LY75: variants seen among roughly 807,000 people sequenced by gnomAD.
The protein encoded by LY75 is C-type lectin domain family 13 member B.
LY75 carries 185 observed loss-of-function variants against 231.7 expected under a neutral mutation model. That is an observed-to-expected ratio of 0.80 (90% CI 0.71 to 0.90). The LOEUF is 0.90. Among genes scored for constraint, LY75 ranks in the 40% least tolerant of loss-of-function variants. The pLI, the probability that LY75 is intolerant of heterozygous loss-of-function variation, is 0.00. For missense variants in LY75, 1,947 were observed against 2,050.2 expected (o/e 0.95, Z 0.97); for synonymous variants, 668 against 689.0 (o/e 0.97, Z 0.48).
chr2:159,860,033 G>T (rs1175293928), intron 15 of LY75, among the ~76,000 whole-genome samples: 1 of 152,150 alleles, frequency 6.6e-6, no homozygotes, highest in Non-Finnish European at 1.5e-5. Context: ...TTTCCTACTA[G>T]ACTTTAGTTT....
intron 5 of LY75, 61 bp from the exon 6 acceptor site, chr2:159,885,354 G>A (rs1377224395): frequency 1.9e-6 from 3 of 1,549,726 alleles, no homozygotes; most frequent in Non-Finnish European, 2.6e-6. Flanking sequence ...GATGGTGTCA[G>A]AAAGAATAAT....
In LY75 at chr2:159,850,486, G is replaced by A. The variant is rs370661605; in HGVS notation, c.2884-19C>T. On this transcript the variant is annotated intron_variant, in intron 21 of 34. Coordinates refer to ENST00000263636, the MANE Select transcript of LY75 (RefSeq NM_002349.4). ...GAAAACACTGCAAACAAAGACATAT[G>A]TGAAGCATGAGATTCCAGACACAGG... 19 of 1,612,752 alleles carry A rather than the reference G, an allele frequency of 1.2e-5. No individual in the cohort carries two copies. Among genetic ancestry groups the A allele is most frequent in the Non-Finnish European group, 1.5e-5 (18 of 1,179,284 alleles).
Position 159,882,849 on chromosome 2 carries a change from G to T in LY75, c.1055-534C>A, listed in dbSNP as rs145782423. ...ACATTTATACACTTCGCATCCAAGA[G>T]ATGAGAGGGCAAAGGTTACCCCTGG... On this transcript the variant is annotated intron_variant, in intron 6 of 34. Transcript: ENST00000263636. 2.8e-3 allele frequency among the ~76,000 whole-genome samples: 430 copies of T among 152,202 alleles called. 1 individual carries two copies. The highest frequency in any genetic ancestry group is 4.6e-3 in the Non-Finnish European group (316 of 68,018).
At chr2:159,815,158 G>A (rs1489517854) in intron 31 of LY75, among the ~76,000 whole-genome samples, 3 of 151,894 alleles carry the variant, frequency 2.0e-5, no homozygotes. Flanking sequence ...CCGCCACCAT[G>A]CCCAGCTATT....
intron 1 of LY75, chr2:159,902,851 T>A (rs1289462969): frequency 6.6e-6 from 1 of 152,164 alleles, no homozygotes; most frequent in African/African-American, 2.4e-5. Flanking sequence ...CTGTTAGCTC[T>A]CCAAGCAGGC....
rs1361034885 is a variant in LY75, at chr2:159,807,092, C to T, written c.4871G>A (p.Trp1624Ter). The stretch of plus-strand genomic sequence containing the variant: ...AACACCACTCTTACTTTTATTTTCC[C>T]ATTTGACAAATGTCACTTCTGATCC... ...LDGSEVTFVK[W>*]ENKSKSGVGR... is the part of the protein sequence containing the mutation. The change falls in exon 34 of 35, where the codon TGG becomes TAG. Residue 1624 changes from tryptophan to a stop codon, truncating the protein, a stop_gained. Coordinates refer to ENST00000263636, the MANE Select transcript of LY75 (RefSeq NM_002349.4). LOFTEE classifies it high-confidence loss of function. 6.2e-7 allele frequency: 1 copy of T among 1,613,850 alleles called. No homozygotes were observed. Among genetic ancestry groups the T allele is most frequent in the South Asian group, 1.1e-5 (1 of 91,042 alleles).
intron 32 of LY75, 138 bp downstream of exon 32, chr2:159,810,388 A>G: frequency 1.7e-6 from 2 of 1,177,010 alleles, no homozygotes; most frequent in Non-Finnish European, 2.3e-6. Context: ...CCACTGGGCA[A>G]TTAGTTTATA....
intron 28 of LY75, among the ~76,000 whole-genome samples, chr2:159,826,242 A>T (rs1047719159): frequency 6.6e-5 from 10 of 152,236 alleles, no homozygotes; most frequent in African/African-American, 2.4e-4. Flanking sequence ...TAAGCTGATA[A>T]GGAACCTCAG....
At chr2:159,870,609 A>G (rs1684982895) in intron 13 of LY75, among the ~76,000 whole-genome samples, 3 of 151,620 alleles carry the variant, frequency 2.0e-5, no homozygotes, top group Non-Finnish European at 2.9e-5. Flanking sequence ...GGCTCAAGTG[A>G]TCCTCCTGAC....
intron 31 of LY75, among the ~76,000 whole-genome samples, chr2:159,814,701 AAAAG>A (rs1683064052): frequency 6.6e-6 from 1 of 151,192 alleles, no homozygotes; most frequent in South Asian, 2.1e-4. Context: ...AAAAGAAAAG[AAAAG>A]AAAGGAAAAG....
chr2:159,848,780 G>A (rs772513003), intron 23 of LY75, among the ~76,000 whole-genome samples: 1 of 152,104 alleles, frequency 6.6e-6, no homozygotes, highest in Non-Finnish European at 1.5e-5. Flanking sequence ...AATCACTTAA[G>A]TGGATTTTGG....
At chr2:159,839,167 T>C (rs1683927184) in intron 25 of LY75, among the ~76,000 whole-genome samples, 2 of 152,224 alleles carry the variant, frequency 1.3e-5, no homozygotes, top group Non-Finnish European at 2.9e-5. Flanking sequence ...AATGCTACTT[T>C]TAATTGAGCT....
intron 21 of LY75, among the ~76,000 whole-genome samples, 192 bp from the exon 22 acceptor site, chr2:159,850,659 C>T (rs1684358347): frequency 6.7e-6 from 1 of 150,170 alleles, no homozygotes; most frequent in African/African-American, 2.5e-5. Flanking sequence ...CAGAGTCTCT[C>T]TCTGTTGCAC....
chr2:159,841,603 T>G (rs1684030055), intron 24 of LY75, among the ~76,000 whole-genome samples: 1 of 152,172 alleles, frequency 6.6e-6, no homozygotes, highest in South Asian at 2.1e-4. Flanking sequence ...TGCCTACTTT[T>G]AAGTATGCAT....
intron 2 of LY75, among the ~76,000 whole-genome samples, chr2:159,896,668 G>A (rs1031771537): frequency 6.6e-6 from 1 of 152,186 alleles, no homozygotes; most frequent in Non-Finnish European, 1.5e-5. Flanking sequence ...CTAAGAACAA[G>A]AAGGGATATA....
At chr2:159,876,796 A>G (rs981192278) in intron 11 of LY75, among the ~76,000 whole-genome samples, 1 of 152,016 alleles carries the variant, frequency 6.6e-6, no homozygotes, top group Non-Finnish European at 1.5e-5. Flanking sequence ...ACCTGAGGTC[A>G]GGAGTTCGAG....
intron 28 of LY75, among the ~76,000 whole-genome samples, chr2:159,826,423 A>T (rs993469795): frequency 6.9e-6 from 1 of 145,968 alleles, no homozygotes; most frequent in Non-Finnish European, 1.5e-5. Context: ...CTCTTCAAGG[A>T]GAACTACAAA....
chr2:159,878,458 T>G lies in LY75; in HGVS notation c.1640A>C (p.Lys547Thr), dbSNP rs773147169. Residue 547 changes from lysine (K) to threonine (T), a missense_variant, in exon 11 of 35, where the codon AAG (lysine) becomes ACG (threonine). Lys to Thr is a moderately conservative substitution (Grantham distance 78). Coordinates refer to ENST00000263636, the MANE Select transcript of LY75 (RefSeq NM_002349.4). Reference protein sequence around the residue: ...EQEYLNDLMKKYDKSLRKYFW... With the variant: ...EQEYLNDLMKTYDKSLRKYFW... The stretch of plus-strand genomic sequence containing the variant: ...GTATTTTCTTAGAGATTTATCATAC[T>G]TTTTCATCAAATCATTTAGGTATTC... The G allele has an allele frequency of 2.2e-5, 35 of 1,613,970 alleles. No homozygotes were observed. The highest frequency in any genetic ancestry group is 2.7e-5 in the Non-Finnish European group (32 of 1,180,002).
Position 159,835,580 on chromosome 2 carries a change from A to T in LY75, c.3573T>A (p.Asn1191Lys), listed in dbSNP as rs758299419. The T allele has an allele frequency of 1.2e-6, 2 of 1,613,892 alleles. No homozygotes were observed. The highest frequency in any genetic ancestry group is 2.2e-5 in the South Asian group (2 of 91,004). ...ATACTACACAGTCTTCGAGTTGCCC[A>T]TTAGTTTCAGCCCAGCGACTAAAAT... The part of the protein sequence containing the change: ...RLHFSRWAET[N>K]GQLEDCVVLD... The change falls in exon 26 of 35, where the codon AAT becomes AAA. Residue 1191 changes from asparagine (N) to lysine (K), a missense_variant. Coordinates refer to ENST00000263636, the MANE Select transcript of LY75 (RefSeq NM_002349.4).
Sources: allele counts gnomAD v4.1 joint callset (sites outside exome capture counted in the v4.1 genomes callset), GRCh38; gene constraint gnomAD v4.1.1; transcripts MANE v1.5; gene names NCBI Gene and HGNC (gene_info 2026-07-23, HGNC 2026-07-21).